Variants in PTPRN2 observed in about 807,000 individuals in gnomAD.
PTPRN2 encodes the protein protein tyrosine phosphatase receptor type N2.
Under a neutral mutation model 118.8 loss-of-function variants are expected in PTPRN2, and 74 were observed. The observed-to-expected ratio is 0.62, with a 90% CI of 0.52 to 0.76. PTPRN2 has a LOEUF of 0.76. Ranked by LOEUF, PTPRN2 falls within the 30% of genes least tolerant of loss-of-function variation. The probability of loss-of-function intolerance (pLI) is 0.00; values close to 1 mark genes in which losing one functional copy is unlikely to be tolerated. For synonymous variants in PTPRN2, 641 were observed against 608.0 expected (o/e 1.05, Z -0.80); for missense variants, 1,481 against 1,394.4 (o/e 1.06, Z -0.99).
chr7:158,045,525 G>A (rs1585261786), intron 11 of PTPRN2, among the ~76,000 whole-genome samples: 1 of 152,186 alleles, frequency 6.6e-6, no homozygotes, highest in South Asian at 2.1e-4. Flanking sequence ...TCAGAGAGGT[G>A]TGCCCCAGGA....
intron 12 of PTPRN2, among the ~76,000 whole-genome samples, chr7:157,800,274 TCA>T (rs899905976): frequency 1.3e-5 from 2 of 152,204 alleles, no homozygotes; most frequent in African/African-American, 4.8e-5. Flanking sequence ...GTCCTAACGC[TCA>T]GAGGCCTCTG....
Position 157,990,219 on chromosome 7 carries a change from G to A in PTPRN2, c.1723+91079C>T, listed in dbSNP as rs117582863. 6.4e-3 allele frequency among the ~76,000 whole-genome samples: 968 copies of A among 152,028 alleles called. 14 individuals carry two copies. Among genetic ancestry groups the A allele is most frequent in the South Asian group, 0.052 (249 of 4,812 alleles). Reference sequence around the variant, plus strand: ...GGGCCCAGATAAATAATTCATGAGCGCCACCGGGGAAGACCGGGCACTCGT... The same window carrying A: ...GGGCCCAGATAAATAATTCATGAGCACCACCGGGGAAGACCGGGCACTCGT... On this transcript the variant is annotated intron_variant, in intron 11 of 22. Coordinates refer to ENST00000389418, the MANE Select transcript of PTPRN2 (RefSeq NM_002847.5). This position sits in a 1 kb window ranked among gnomAD's most constrained non-coding sequence, Gnocchi z 4.3.
chr7:158,384,044 G>C (rs564639706), intron 2 of PTPRN2, among the ~76,000 whole-genome samples: 54 of 152,274 alleles, frequency 3.5e-4, no homozygotes, highest in Middle Eastern at 3.4e-3. Flanking sequence ...TTTAAACTCT[G>C]CTTGAAGCAT....
At chr7:158,305,106 G>A (rs1351449279) in intron 3 of PTPRN2, among the ~76,000 whole-genome samples, 1 of 152,174 alleles carries the variant, frequency 6.6e-6, no homozygotes, top group Non-Finnish European at 1.5e-5. Flanking sequence ...TGGACACCAA[G>A]GGAGGAGGGT....
At chr7:157,569,100 G>A (rs1204695673) in intron 20 of PTPRN2, 134 bp from the exon 21 acceptor site, 17 of 874,026 alleles carry the variant, frequency 1.9e-5, no homozygotes, top group Non-Finnish European at 2.9e-5. Context: ...TGTGAGAGGG[G>A]GAGGAAGGAC....
chr7:158,453,096 G>A (rs113765574), intron 2 of PTPRN2, among the ~76,000 whole-genome samples: 4 of 149,162 alleles, frequency 2.7e-5, no homozygotes, highest in African/African-American at 4.9e-5. Flanking sequence ...AGTCCTCACC[G>A]TACGGTGCAG....
chr7:157,658,930 T>C (rs996291112), intron 13 of PTPRN2, among the ~76,000 whole-genome samples: 2 of 152,094 alleles, frequency 1.3e-5, no homozygotes, highest in African/African-American at 4.8e-5. Context: ...CACAGCCGTG[T>C]GCGTCAAAGG....
chr7:158,163,842 C>T (rs892769292), intron 6 of PTPRN2, among the ~76,000 whole-genome samples: 45 of 151,818 alleles, frequency 3.0e-4, no homozygotes, highest in Non-Finnish European at 4.4e-5. Flanking sequence ...TCGTAGGTGA[C>T]GCCTGTACGG....
In PTPRN2 at chr7:157,684,873, C is replaced by T. The variant is rs531224519; in HGVS notation, c.1789-1936G>A. On this transcript the variant is annotated intron_variant, in intron 12 of 22. Coordinates refer to ENST00000389418, the MANE Select transcript of PTPRN2 (RefSeq NM_002847.5). ...TGCCCTCCTGGGCCGGCGCGAGGGACCCTAGAGCGCGCGGGGGGCCCCAGG... is the reference window on the plus strand; with the variant it reads ...TGCCCTCCTGGGCCGGCGCGAGGGATCCTAGAGCGCGCGGGGGGCCCCAGG... 9.2e-5 allele frequency among the ~76,000 whole-genome samples: 14 copies of T among 152,106 alleles called. No homozygotes were observed. The South Asian group carries it at 2.3e-3, about 25-fold the overall frequency.
At chr7:158,289,262 C>A (rs1034142678) in intron 3 of PTPRN2, among the ~76,000 whole-genome samples, 1 of 152,260 alleles carries the variant, frequency 6.6e-6, no homozygotes. Flanking sequence ...TGCTTTCAGT[C>A]CCTTGGTCTC....
At chr7:157,683,429 T>G (rs1446689566) in intron 12 of PTPRN2, among the ~76,000 whole-genome samples, 1 of 152,208 alleles carries the variant, frequency 6.6e-6, no homozygotes, top group African/African-American at 2.4e-5. Flanking sequence ...AACGTGGGAC[T>G]GGCTCTGTGC....
rs899309766 is a variant in PTPRN2, at chr7:158,526,109, A to G, written c.113-36324T>C. Reference sequence around the variant, plus strand: ...GACTATCTGCCCAGTCCCTGAGGAGATGATGACTTCCTACAGCTTCTGAAA... The same window carrying G: ...GACTATCTGCCCAGTCCCTGAGGAGGTGATGACTTCCTACAGCTTCTGAAA... On this transcript the variant is annotated intron_variant, in intron 1 of 22. Transcript: ENST00000389418. The surrounding 1 kb of genome is among the most constrained non-coding windows in gnomAD (Gnocchi z 5.2). Among the ~76,000 whole-genome samples, 6 of 151,886 alleles carry G rather than the reference A, an allele frequency of 4.0e-5. No individual in the cohort carries two copies. Among genetic ancestry groups the G allele is most frequent in the Non-Finnish European group, 8.8e-5 (6 of 67,866 alleles).
chr7:157,595,144 TTTGA>T (rs926015273), intron 17 of PTPRN2, 90 bp downstream of exon 17: 2 of 1,161,748 alleles, frequency 1.7e-6, no homozygotes, highest in African/African-American at 1.5e-5. Flanking sequence ...TTGTAAGAAG[TTTGA>T]TTGGCCTAAT....
At chr7:158,147,753 T>A in intron 6 of PTPRN2, among the ~76,000 whole-genome samples, 1 of 129,612 alleles carries the variant, frequency 7.7e-6, no homozygotes, top group African/African-American at 3.4e-5. Flanking sequence ...TCCCCCTCAA[T>A]GACACCCCAC....
At chr7:157,605,825 C>T (rs990855568) in intron 15 of PTPRN2, among the ~76,000 whole-genome samples, 2 of 152,192 alleles carry the variant, frequency 1.3e-5, no homozygotes, top group Non-Finnish European at 2.9e-5. Flanking sequence ...GATTGGCCCA[C>T]GAGTGGCCGT....
chr7:158,272,600 C>T (rs903005716), intron 3 of PTPRN2, among the ~76,000 whole-genome samples: 1 of 152,184 alleles, frequency 6.6e-6, no homozygotes, highest in African/African-American at 2.4e-5. Context: ...TGCCTTGCAC[C>T]CCAGACACCA....
rs143373130 is a variant in PTPRN2, at chr7:157,668,705, C to T, written c.2002-12154G>A. Among the ~76,000 whole-genome samples, 22 of 152,122 alleles carry T rather than the reference C, an allele frequency of 1.4e-4. No homozygotes were observed. The South Asian group carries it at 3.3e-3, about 23-fold the overall frequency. Reference sequence around the variant, plus strand: ...GGGCCCGGTGCAACCACAGGTGGCTCGAATGTAAAACGGTTAAGGAAAAAG... The same window carrying T: ...GGGCCCGGTGCAACCACAGGTGGCTTGAATGTAAAACGGTTAAGGAAAAAG... On this transcript the variant is annotated intron_variant, in intron 13 of 22. Transcript: ENST00000389418.
chr7:158,045,344 T>C (rs1344360125), intron 11 of PTPRN2, among the ~76,000 whole-genome samples: 1 of 152,230 alleles, frequency 6.6e-6, no homozygotes, highest in Non-Finnish European at 1.5e-5. Flanking sequence ...GAAAGATGTT[T>C]ACATTAATCA....
intron 6 of PTPRN2, among the ~76,000 whole-genome samples, chr7:158,142,400 C>T (rs1253630636): frequency 3.3e-5 from 5 of 152,234 alleles, no homozygotes; most frequent in Non-Finnish European, 5.9e-5. Flanking sequence ...TGTATCGACC[C>T]ATGGCGTGGC....
Sources: allele counts gnomAD v4.1 joint callset (sites outside exome capture counted in the v4.1 genomes callset), GRCh38; gene constraint gnomAD v4.1.1; non-coding constraint Gnocchi (gnomAD v3.1); transcripts MANE v1.5; gene names NCBI Gene and HGNC (gene_info 2026-07-23, HGNC 2026-07-21).